The following ADAM19 variants were observed in gnomAD, a reference collection of about 807,000 sequenced individuals.
ADAM19 encodes the protein ADAM metallopeptidase domain 19, also known as disintegrin and metalloproteinase domain-containing protein 19.
ADAM19 carries 65 observed loss-of-function variants against 114.7 expected under a neutral mutation model. The observed-to-expected ratio is 0.57, with a 90% confidence interval of 0.46 to 0.70. ADAM19 has a LOEUF of 0.70. Ranked by LOEUF, ADAM19 falls within the 30% of genes least tolerant of loss-of-function variation. ADAM19 has a pLI of 0.00. For missense variants in ADAM19, 1,063 were observed against 1,204.7 expected (o/e 0.88, Z 1.74); for synonymous variants, 466 against 460.5 (o/e 1.01, Z -0.15).
At chr5:157,502,770 T>C in intron 12 of ADAM19, 33 bp downstream of exon 12, 1 of 1,600,716 alleles carries the variant, frequency 6.2e-7, no homozygotes, top group Non-Finnish European at 8.5e-7. Flanking sequence ...TGCAAATTCT[T>C]CCCCTCCCAC....
At chr5:157,540,253 T>A (rs1756881498) in intron 3 of ADAM19, among the ~76,000 whole-genome samples, 1 of 152,218 alleles carries the variant, frequency 6.6e-6, no homozygotes, top group South Asian at 2.1e-4. Context: ...AACTCTCCAG[T>A]ACATCACTTA....
At chr5:157,537,719 G>A (rs11465275) in intron 4 of ADAM19, among the ~76,000 whole-genome samples, 194 bp downstream of exon 4, 1 of 152,208 alleles carries the variant, frequency 6.6e-6, no homozygotes, top group African/African-American at 2.4e-5. Flanking sequence ...TTTAGCCATT[G>A]TAGTCAGCAA....
At chr5:157,551,412 C>CCAA (rs375099114) in intron 3 of ADAM19, among the ~76,000 whole-genome samples, 2 of 118,262 alleles carry the variant, frequency 1.7e-5, no homozygotes, top group African/African-American at 6.5e-5. Flanking sequence ...CCCCCAACCC[C>CCAA]AAAAAAAAAA....
intron 3 of ADAM19, among the ~76,000 whole-genome samples, chr5:157,554,905 T>G (rs4461616): frequency 0.23 from 35,711 of 151,986 alleles, 4,246 homozygotes; most frequent in South Asian, 0.37. Context: ...AAGCTTGGGA[T>G]GCACACCTGC....
intron 7 of ADAM19, 88 bp from the exon 8 acceptor site, chr5:157,513,593 T>G: frequency 8.0e-7 from 1 of 1,247,160 alleles, no homozygotes; most frequent in East Asian, 2.3e-5. Context: ...GAATTTGCTC[T>G]TATTTTCTTC....
intron 3 of ADAM19, among the ~76,000 whole-genome samples, chr5:157,543,218 T>C (rs930171722): frequency 2.0e-5 from 3 of 152,206 alleles, no homozygotes; most frequent in Admixed American, 6.5e-5. Flanking sequence ...ATTAATTAGA[T>C]AAATAAAACT....
intron 5 of ADAM19, among the ~76,000 whole-genome samples, chr5:157,520,617 C>T (rs1756258061): frequency 6.6e-6 from 1 of 152,166 alleles, no homozygotes; most frequent in Non-Finnish European, 1.5e-5. Flanking sequence ...CGTCAGTTTC[C>T]TCATCCCTAA....
intron 4 of ADAM19, among the ~76,000 whole-genome samples, chr5:157,537,656 T>A (rs918362120): frequency 6.6e-6 from 1 of 152,268 alleles, no homozygotes; most frequent in Non-Finnish European, 1.5e-5. Context: ...TATTTCACAG[T>A]AATTTGCATC....
Position 157,478,883 on chromosome 5 carries a change from A to G in ADAM19, c.*2066T>C, listed in dbSNP as rs1754669911. On this transcript the variant is annotated 3_prime_UTR_variant, in exon 23 of 23. Coordinates refer to ENST00000257527, the MANE Select transcript of ADAM19 (RefSeq NM_033274.5). ...CAGTCACTATGGCTGTGGCGCTGTCATTTCAGAGCTATCTACCTCCTGATG... is the reference window on the plus strand; with the variant it reads ...CAGTCACTATGGCTGTGGCGCTGTCGTTTCAGAGCTATCTACCTCCTGATG... 1 of 985,608 alleles carries G rather than the reference A, an allele frequency of 1.0e-6. No individual in the cohort carries two copies. The highest frequency in any genetic ancestry group is 1.7e-5 in the African/African-American group (1 of 57,212). The allele number at this position is 985,608 out of a possible 1,614,324, so 61.1% of individuals were successfully genotyped here. A position where few individuals can be genotyped will look rare whatever the true frequency, so the allele number is the denominator to read the frequency against.
intron 7 of ADAM19, among the ~76,000 whole-genome samples, chr5:157,514,000 A>T (rs1207234494): frequency 6.6e-6 from 1 of 152,246 alleles, no homozygotes; most frequent in Non-Finnish European, 1.5e-5. Context: ...ACTATGTAGG[A>T]CACAAAGAAG....
chr5:157,575,687 C>T lies in ADAM19; in HGVS notation c.10G>A (p.Gly4Ser), dbSNP rs11465228. The change falls in exon 1 of 23, where the codon GGC becomes AGC. Residue 4 changes from glycine to serine, a missense_variant. By Grantham distance (56) the Gly-to-Ser change is moderately conservative. Coordinates refer to ENST00000257527, the MANE Select transcript of ADAM19 (RefSeq NM_033274.5). ...AAGCAGAGCCGGGCGGCGCCTGCGC[C>T]CCCTGGCATGGTGGCGGCGGCCCTT... is the stretch of plus-strand genomic sequence containing the variant. MPG[G>S]AGAARLCLLA... 84,126 of 1,334,384 alleles carry T rather than the reference C, an allele frequency of 0.063. 2,951 individuals are homozygous for T. Among genetic ancestry groups the T allele is most frequent in the African/African-American group, 0.11 (7,347 of 64,974 alleles). The allele number at this position is 1,334,384 out of a possible 1,614,324, so 82.7% of individuals were successfully genotyped here. A position where few individuals can be genotyped will look rare whatever the true frequency, so the allele number is the denominator to read the frequency against.
At chr5:157,556,943 T>C (rs1041338291) in intron 3 of ADAM19, among the ~76,000 whole-genome samples, 7 of 152,204 alleles carry the variant, frequency 4.6e-5, no homozygotes, top group Non-Finnish European at 7.3e-5. Context: ...TGCGGTGGTA[T>C]GATCTCAGCT....
chr5:157,512,644 C>T lies in ADAM19; in HGVS notation c.738+790G>A, dbSNP rs144048742. Among the ~76,000 whole-genome samples, 977 of 152,282 alleles carry T rather than the reference C, an allele frequency of 6.4e-3. 12 individuals carry two copies. Among genetic ancestry groups the T allele is most frequent in the African/African-American group, 0.022 (907 of 41,550 alleles). The stretch of plus-strand genomic sequence containing the variant: ...TGTACTTCCAAGTCCCAGACCAGCC[C>T]GTTCTAGTAAAATTCAAAAATGTAG... On this transcript the variant is annotated intron_variant, in intron 8 of 22. Transcript: ENST00000257527.
chr5:157,564,469 A>G, intron 2 of ADAM19, 26 bp from the exon 3 acceptor site: 1 of 1,611,610 alleles, frequency 6.2e-7, no homozygotes, highest in Non-Finnish European at 8.5e-7. Context: ...AAACAATGTC[A>G]GTTCCTAAAA....
At chr5:157,499,096 A>G (rs1478507760) in intron 13 of ADAM19, among the ~76,000 whole-genome samples, 2 of 152,194 alleles carry the variant, frequency 1.3e-5, no homozygotes, top group African/African-American at 4.8e-5. Flanking sequence ...CTGATTCCAG[A>G]TAAACCTCTT....
chr5:157,567,433 G>A (rs891880047), intron 2 of ADAM19, among the ~76,000 whole-genome samples: 1 of 152,170 alleles, frequency 6.6e-6, no homozygotes, highest in Non-Finnish European at 1.5e-5. Context: ...CCACTTTATG[G>A]AGTTTTTGAG....
intron 3 of ADAM19, among the ~76,000 whole-genome samples, chr5:157,542,132 A>G (rs998491543): frequency 6.6e-6 from 1 of 152,132 alleles, no homozygotes; most frequent in Non-Finnish European, 1.5e-5. Flanking sequence ...CATCCTGCCT[A>G]TGTTAGTAAT....
intron 3 of ADAM19, among the ~76,000 whole-genome samples, chr5:157,549,146 A>G (rs894656406): frequency 1.3e-5 from 2 of 152,224 alleles, no homozygotes; most frequent in Non-Finnish European, 2.9e-5. Flanking sequence ...TCCAAGGTGT[A>G]GAAATACAGC....
In ADAM19 at chr5:157,490,418, A is replaced by T; in HGVS notation, c.2132T>A (p.Ile711Asn). 1 of 1,614,158 alleles carries T rather than the reference A, an allele frequency of 6.2e-7. No homozygotes were observed. ...GPVVAGVLVAILVLAVLMLMY... is the reference protein window; with the variant it reads ...GPVVAGVLVANLVLAVLMLMY... ...CAGCATGAGGACCGCCAGCACCAAG[A>T]TGGCCACCAACACTCCAGCTACCAC... The change falls in exon 19 of 23, where the codon ATC becomes AAC. Residue 711 changes from isoleucine to asparagine, a missense_variant. Physicochemically the swap from Ile to Asn is moderately radical, Grantham distance 149 (BLOSUM62 -3). Transcript: ENST00000257527.
Sources: gnomAD v4.1 joint callset for allele counts (sites outside exome capture counted in the v4.1 genomes callset) on GRCh38, gnomAD v4.1.1 for gene constraint, MANE v1.5 for transcripts, NCBI Gene and HGNC (gene_info 2026-07-23, HGNC 2026-07-21) for gene names.